GMDS: variants seen among roughly 807,000 people sequenced by gnomAD.
The protein encoded by GMDS is GDP-mannose 4,6-dehydratase, also known as GDP-mannose 4,6 dehydratase.
A neutral mutation model predicts 49.9 loss-of-function variants in GMDS; 20 were observed. The observed-to-expected ratio is 0.40, with a 90% CI of 0.28 to 0.58. GMDS has a LOEUF of 0.58. Ranked by LOEUF, GMDS falls within the 20% of genes least tolerant of loss-of-function variation. The pLI is 0.42. For synonymous variants in GMDS, 177 were observed against 178.6 expected (o/e 0.99, Z 0.07); for missense variants, 362 against 481.4 (o/e 0.75, Z 2.32).
chr6:1,655,619 T>C (rs1463799955), intron 9 of GMDS, among the ~76,000 whole-genome samples: 1 of 151,848 alleles, frequency 6.6e-6, no homozygotes, highest in Non-Finnish European at 1.5e-5. Flanking sequence ...TTCTCCCGCC[T>C]CAGCCTCCTG....
chr6:1,804,087 T>C (rs1770064267), intron 7 of GMDS, among the ~76,000 whole-genome samples: 1 of 152,264 alleles, frequency 6.6e-6, no homozygotes, highest in African/African-American at 2.4e-5. Flanking sequence ...ATAAGGTGAC[T>C]GCTCAAATTC....
At chr6:1,661,287 T>G (rs999455300) in intron 9 of GMDS, among the ~76,000 whole-genome samples, 1 of 152,208 alleles carries the variant, frequency 6.6e-6, no homozygotes, top group East Asian at 1.9e-4. Context: ...TAGATCCTAG[T>G]TGTAATCAGT....
At chr6:2,051,176 G>A (rs1770371822) in intron 4 of GMDS, among the ~76,000 whole-genome samples, 1 of 152,134 alleles carries the variant, frequency 6.6e-6, no homozygotes, top group Admixed American at 6.5e-5. Flanking sequence ...AGCCTCTAAA[G>A]CTTCAATAGG....
At chr6:1,877,504 G>A (rs562841744) in intron 7 of GMDS, among the ~76,000 whole-genome samples, 7 of 152,006 alleles carry the variant, frequency 4.6e-5, no homozygotes, top group African/African-American at 9.7e-5. Flanking sequence ...CAGGCGTGAC[G>A]GTGTGTCCCT....
intron 9 of GMDS, among the ~76,000 whole-genome samples, chr6:1,670,944 C>T (rs936360256): frequency 2.6e-5 from 4 of 152,192 alleles, no homozygotes; most frequent in South Asian, 2.1e-4. Context: ...CCTGCTCGCC[C>T]GGACTTTTGC....
intron 8 of GMDS, among the ~76,000 whole-genome samples, chr6:1,736,707 C>G (rs1767012870): frequency 6.6e-6 from 1 of 152,136 alleles, no homozygotes; most frequent in African/African-American, 2.4e-5. Context: ...CTAAACACAC[C>G]ACATTGAAAG....
intron 9 of GMDS, chr6:1,679,360 A>C (rs28639897): frequency 0.33 from 49,850 of 152,072 alleles, 8,675 homozygotes; most frequent in Middle Eastern, 0.47. Context: ...AGAGACCAGG[A>C]CAATGACTAT....
At chr6:2,034,342 T>C (rs1233727962) in intron 4 of GMDS, among the ~76,000 whole-genome samples, 1 of 152,156 alleles carries the variant, frequency 6.6e-6, no homozygotes, top group East Asian at 1.9e-4. Flanking sequence ...ATGAAACGTC[T>C]AGAATGAGCA....
chr6:1,689,297 G>A (rs929338775), intron 9 of GMDS, among the ~76,000 whole-genome samples: 2 of 152,108 alleles, frequency 1.3e-5, no homozygotes, highest in Non-Finnish European at 2.9e-5. Context: ...GCAAACATGA[G>A]TCAAGAGAGC....
rs59555603 is a variant in GMDS, at chr6:1,782,895, T to A, written c.772-40309A>T. Among the ~76,000 whole-genome samples, 1,431 of 152,322 alleles carry A rather than the reference T, an allele frequency of 9.4e-3. 20 individuals carry two copies. The highest frequency in any genetic ancestry group is 0.032 in the African/African-American group (1,321 of 41,568). ...GAGGCTGGGTGTGGTGGCTCATGCC[T>A]GTAATCCCAAAACTTTCGGAGGCTG... On this transcript the variant is annotated intron_variant, in intron 7 of 10. Transcript: ENST00000380815.
chr6:2,070,684 T>G (rs1305424929), intron 4 of GMDS, among the ~76,000 whole-genome samples: 1 of 152,146 alleles, frequency 6.6e-6, no homozygotes. Flanking sequence ...GAAGCTTTCT[T>G]CAGTCCCAGT....
At chr6:1,966,478 C>G (rs1006058607) in intron 4 of GMDS, among the ~76,000 whole-genome samples, 6 of 152,122 alleles carry the variant, frequency 3.9e-5, no homozygotes, top group African/African-American at 1.4e-4. Context: ...TTTCTTTCCA[C>G]TCGATTGGCA....
chr6:2,082,289 T>C (rs893436083), intron 4 of GMDS, among the ~76,000 whole-genome samples: 3 of 152,172 alleles, frequency 2.0e-5, no homozygotes, highest in Non-Finnish European at 2.9e-5. Flanking sequence ...GCACTTCAAG[T>C]ATTTTCTTTT....
intron 9 of GMDS, among the ~76,000 whole-genome samples, chr6:1,652,148 G>C (rs1424456940): frequency 6.6e-6 from 1 of 150,408 alleles, no homozygotes; most frequent in Admixed American, 6.7e-5. Context: ...GAGGCGGGTG[G>C]ATCATCTGAG....
chr6:1,787,705 G>C (rs1339579150), intron 7 of GMDS, among the ~76,000 whole-genome samples: 1 of 152,150 alleles, frequency 6.6e-6, no homozygotes, highest in Admixed American at 6.5e-5. Context: ...ACCAAAGACA[G>C]AATTCAGACT....
At chr6:1,690,945 G>T (rs1765148550) in intron 9 of GMDS, among the ~76,000 whole-genome samples, 1 of 152,212 alleles carries the variant, frequency 6.6e-6, no homozygotes, top group African/African-American at 2.4e-5. Context: ...GTGGATGACA[G>T]TGTGGCAATT....
intron 9 of GMDS, among the ~76,000 whole-genome samples, chr6:1,725,492 C>T (rs773248669): frequency 4.0e-5 from 6 of 151,570 alleles, no homozygotes; most frequent in African/African-American, 4.9e-5. Flanking sequence ...AGTGCAATGG[C>T]GCGCGATCTC....
intron 4 of GMDS, among the ~76,000 whole-genome samples, chr6:1,987,279 CAACTTTTTTT>C (rs1765610494): frequency 1.5e-5 from 1 of 65,082 alleles, no homozygotes; most frequent in South Asian, 6.2e-4. Flanking sequence ...AACCTTTTTT[CAACTTTTTTT>C]TTCTTCCTTT....
intron 4 of GMDS, among the ~76,000 whole-genome samples, chr6:2,088,195 A>G (rs1296111994): frequency 6.6e-6 from 1 of 152,178 alleles, no homozygotes; most frequent in Non-Finnish European, 1.5e-5. Context: ...CTGAGATTAC[A>G]AAGCTTAATT....
Sources: allele counts gnomAD v4.1 joint callset (sites outside exome capture counted in the v4.1 genomes callset), GRCh38; gene constraint gnomAD v4.1.1; transcripts MANE v1.5; gene names NCBI Gene and HGNC (gene_info 2026-07-23, HGNC 2026-07-21).